The following XKR9 variants were observed in gnomAD, a reference collection of about 807,000 sequenced individuals.
XKR9 encodes XK-related protein 9.
In XKR9, 32 loss-of-function variants were observed where a neutral mutation model predicts 32.0. That is an observed-to-expected ratio of 1.00 (90% confidence interval 0.76 to 1.34). The LOEUF (loss-of-function observed/expected upper bound fraction) is 1.34, where lower values mean the gene tolerates loss of function less well. Among genes scored for constraint, XKR9 ranks in the 40% most tolerant of loss-of-function variants. The pLI is 0.00. For missense variants in XKR9, 546 were observed against 429.7 expected (o/e 1.27, Z -2.39); for synonymous variants, 168 against 143.4 (o/e 1.17, Z -1.22).
At chr8:71,050,294 TATATATATAGATATAG>T in the XKR9 span, among the ~76,000 whole-genome samples, 6 of 132,642 alleles carry the variant, frequency 4.5e-5, no homozygotes, top group South Asian at 4.6e-4. Context: ...TAGATATAGA[TATATATATAGATATAG>T]ATATAGATAT....
chr8:70,867,492 C>T, the XKR9 span, among the ~76,000 whole-genome samples: 2 of 152,176 alleles, frequency 1.3e-5, no homozygotes, highest in Non-Finnish European at 2.9e-5. Context: ...TCCTCAGTTG[C>T]CCAGGCTGGA....
At chr8:70,775,029 A>G (rs1253281237) in intron 2 of XKR9, among the ~76,000 whole-genome samples, 1 of 152,054 alleles carries the variant, frequency 6.6e-6, no homozygotes, top group Non-Finnish European at 1.5e-5. Flanking sequence ...CATGTTTTAT[A>G]ATTTTCAGTG....
chr8:70,707,063 A>T lies in XKR9; in HGVS notation c.403A>T (p.Arg135Ter). Residue 135 changes from arginine (R) to a stop codon, truncating the protein, a stop_gained, in exon 4 of 5, where the codon AGA becomes TGA. Coordinates refer to ENST00000408926, the MANE Select transcript of XKR9 (RefSeq NM_001011720.2). LOFTEE classifies it high-confidence loss of function. ...TAGAGTGACTGATTTGAGCATGCTC[A>T]GACTATTTGAGACCTACCTGGAAGG... ...IDRVTDLSML[R>*]LFETYLEGCP... The T allele has an allele frequency of 1.2e-6, 2 of 1,613,552 alleles. No homozygotes were observed. Among genetic ancestry groups the T allele is most frequent in the South Asian group, 2.2e-5 (2 of 91,058 alleles).
At chr8:70,740,100 T>A (rs964151687), downstream of XKR9, among the ~76,000 whole-genome samples, 1 of 152,212 alleles carries the variant, frequency 6.6e-6, no homozygotes, top group Non-Finnish European at 1.5e-5. Flanking sequence ...CACTTTCAGG[T>A]ACAGCAATCA....
At chr8:70,862,610 T>C in the XKR9 span, among the ~76,000 whole-genome samples, 3 of 145,542 alleles carry the variant, frequency 2.1e-5, no homozygotes, top group Non-Finnish European at 4.5e-5. Flanking sequence ...CTTTAATTCA[T>C]TAAACAAATA....
chr8:70,852,114 G>T, the XKR9 span, among the ~76,000 whole-genome samples: 1 of 152,198 alleles, frequency 6.6e-6, no homozygotes, highest in African/African-American at 2.4e-5. Context: ...CCATCAAAAA[G>T]TGGGTGAAAG....
At chr8:70,779,982 C>T (rs1807592272) in intron 2 of XKR9, among the ~76,000 whole-genome samples, 2 of 151,706 alleles carry the variant, frequency 1.3e-5, no homozygotes, top group Admixed American at 1.3e-4. Context: ...TTAGTTATTT[C>T]TTGTCTTCTG....
At chr8:71,032,439 C>A in the XKR9 span, among the ~76,000 whole-genome samples, 1 of 152,116 alleles carries the variant, frequency 6.6e-6, no homozygotes, top group East Asian at 1.9e-4. Flanking sequence ...TCACTAGTTA[C>A]ATGGTTGAGT....
chr8:70,727,582 T>A (rs1047494764), intron 4 of XKR9, among the ~76,000 whole-genome samples: 1 of 151,906 alleles, frequency 6.6e-6, no homozygotes, highest in Non-Finnish European at 1.5e-5. Flanking sequence ...TTATTTTTAG[T>A]TGAGATGGGG....
the XKR9 span, among the ~76,000 whole-genome samples, chr8:70,973,482 T>G: frequency 6.6e-6 from 1 of 152,188 alleles, no homozygotes; most frequent in African/African-American, 2.4e-5. Context: ...TCTTTGTTAT[T>G]TTTTTCTTCG....
intron 1 of XKR9, among the ~76,000 whole-genome samples, chr8:70,671,789 A>G (rs1818724225): frequency 8.8e-6 from 1 of 113,370 alleles, no homozygotes; most frequent in South Asian, 2.4e-4. Flanking sequence ...TGCCGCAATA[A>G]ACATACGTGT....
the XKR9 span, among the ~76,000 whole-genome samples, chr8:70,974,033 A>T: frequency 6.6e-6 from 1 of 152,166 alleles, no homozygotes; most frequent in East Asian, 1.9e-4. Flanking sequence ...TTCTGTCCTG[A>T]TGACCTGTCT....
intron 4 of XKR9, among the ~76,000 whole-genome samples, chr8:70,725,528 G>T (rs75364525): frequency 0.063 from 9,572 of 152,124 alleles, 424 homozygotes; most frequent in Non-Finnish European, 0.089. Flanking sequence ...GGGGTGAGGA[G>T]ATGTAGAGCA....
At chr8:70,802,269 A>G in the XKR9 span, among the ~76,000 whole-genome samples, 1 of 151,928 alleles carries the variant, frequency 6.6e-6, no homozygotes, top group African/African-American at 2.4e-5. Flanking sequence ...CTGGTTTAAC[A>G]TCTGTTTTGT....
the XKR9 span, among the ~76,000 whole-genome samples, chr8:71,032,068 T>G: frequency 6.6e-6 from 1 of 152,140 alleles, no homozygotes; most frequent in Admixed American, 6.5e-5. Flanking sequence ...CTGAGGTGGG[T>G]GGATCACTTG....
chr8:70,815,218 G>T, the XKR9 span, among the ~76,000 whole-genome samples: 1 of 151,796 alleles, frequency 6.6e-6, no homozygotes, highest in Non-Finnish European at 1.5e-5. Flanking sequence ...TTGTTATATA[G>T]GTAAACTTGT....
At chr8:71,042,487 G>A in the XKR9 span, among the ~76,000 whole-genome samples, 2 of 152,092 alleles carry the variant, frequency 1.3e-5, no homozygotes, top group African/African-American at 4.8e-5. Context: ...GTAAGATTAG[G>A]ATAGTAACAG....
chr8:70,935,356 T>G, the XKR9 span, among the ~76,000 whole-genome samples: 849 of 151,846 alleles, frequency 5.6e-3, 7 homozygotes, highest in East Asian at 0.018. Context: ...ACTTTGAACC[T>G]CTGCTTAAAT....
chr8:70,935,507 G>A, the XKR9 span, among the ~76,000 whole-genome samples: 1 of 151,912 alleles, frequency 6.6e-6, no homozygotes, highest in African/African-American at 2.4e-5. Context: ...GTATATGAGA[G>A]TGTATTTCCC....
Sources: gnomAD v4.1 joint callset for allele counts (sites outside exome capture counted in the v4.1 genomes callset) on GRCh38, gnomAD v4.1.1 for gene constraint, MANE v1.5 for transcripts, NCBI Gene and HGNC (gene_info 2026-07-23, HGNC 2026-07-21) for gene names.